The following ABCA12 variants were observed in gnomAD, a reference collection of about 807,000 sequenced individuals.
The protein encoded by ABCA12 is ATP binding cassette subfamily A member 12.
A neutral mutation model predicts 293.5 loss-of-function variants in ABCA12; 156 were observed. The observed-to-expected ratio is 0.53, with a 90% confidence interval of 0.47 to 0.61. The LOEUF is 0.61. Among genes scored for constraint, ABCA12 ranks in the 20% least tolerant of loss-of-function variants. The pLI is 0.00. For synonymous variants in ABCA12, 1,063 were observed against 1,108.0 expected (o/e 0.96, Z 0.81); for missense variants, 2,797 against 3,090.2 (o/e 0.91, Z 2.25).
chr2:214,997,858 A>G (rs867663391), intron 22 of ABCA12, 49 bp from the exon 23 acceptor site: 1 of 1,054,428 alleles, frequency 9.5e-7, no homozygotes, highest in Middle Eastern at 2.0e-4. Flanking sequence ...AATGAACACC[A>G]TACTTGCAGA....
chr2:215,044,035 T>A (rs1701154765), intron 7 of ABCA12, among the ~76,000 whole-genome samples: 1 of 150,778 alleles, frequency 6.6e-6, no homozygotes, highest in African/African-American at 2.5e-5. Flanking sequence ...TATTTTAATA[T>A]ATGAATAAAC....
chr2:215,055,413 A>G (rs1299502766), intron 3 of ABCA12, among the ~76,000 whole-genome samples: 1 of 152,000 alleles, frequency 6.6e-6, no homozygotes, highest in Non-Finnish European at 1.5e-5. Flanking sequence ...TAAAATGGAG[A>G]TGATCACATT....
At position 215,049,831 on chromosome 2, in the gene ABCA12, GA is replaced by G. The variant is rs1311560000; in HGVS notation, c.508-21del. 11 of 1,595,854 alleles carry G rather than the reference GA, an allele frequency of 6.9e-6. No individual in the cohort carries two copies. Among genetic ancestry groups the G allele is most frequent in the Non-Finnish European group, 9.4e-6 (11 of 1,166,252 alleles). On this transcript the variant is annotated intron_variant, in intron 5 of 52. Transcript: ENST00000272895. ...TAACAGCTAAAAGCATGTGTGAAAA[GA>G]GTAAAATAAGAGTGTTAATAAATGT...
In ABCA12 at chr2:215,019,792, G is replaced by C. The variant is rs769092601; in HGVS notation, c.1292C>G (p.Ser431Cys). The stretch of plus-strand genomic sequence containing the variant: ...AAGTTCGGTCAAGTTTCGAAGTTGA[G>C]ACAGCTTTCCAAAAAGGGAAAAGAG... The part of the protein sequence containing the change: ...PVPEVLKSKL[S>C]QLRNLTELLC... Residue 431 changes from serine to cysteine, a missense_variant, in exon 12 of 53, where the codon TCT (serine) becomes TGT (cysteine). By Grantham distance (112) the Ser-to-Cys change is moderately radical (BLOSUM62 -1). Around this residue, in one of 3 missense-constraint regions of ABCA12, gnomAD observed 656 missense variants for 638.2 expected, o/e 1.03. Transcript: ENST00000272895. 8 of 1,611,138 alleles carry C rather than the reference G, an allele frequency of 5.0e-6. No homozygotes were observed. In the South Asian group the frequency reaches 7.7e-5, roughly 15 times the overall value.
chr2:215,010,412 A>T lies in ABCA12; in HGVS notation c.2391T>A (p.Ile797=), dbSNP rs771232162. Residue 797 remains isoleucine (I), a synonymous_variant, in exon 18 of 53, where the codon ATT becomes ATA. Coordinates refer to ENST00000272895, the MANE Select transcript of ABCA12 (RefSeq NM_173076.3). ...ACAACATAGGTTTCAAGAAAGCCCA[A>T]ATCACAGGTCCAGCGGGCATGTTAA... The part of the protein sequence containing the change: ...DIINMPAGPV[I]WAFLKPMLLG... 1 of 1,613,924 alleles carries T rather than the reference A, an allele frequency of 6.2e-7. No individual in the cohort carries two copies.
At chr2:215,121,026 T>C (rs973903465) in intron 1 of ABCA12, among the ~76,000 whole-genome samples, 14 of 152,210 alleles carry the variant, frequency 9.2e-5, no homozygotes, top group African/African-American at 2.9e-4. Context: ...TAATAGCTAA[T>C]ATATATTGAC....
At chr2:215,010,247 A>G in intron 18 of ABCA12, 84 bp downstream of exon 18, 1 of 1,489,354 alleles carries the variant, frequency 6.7e-7, no homozygotes, top group Non-Finnish European at 9.3e-7. Context: ...GAAAGAAATC[A>G]GTCAGCTAAA....
chr2:215,085,868 CAAAT>C (rs1702028711), intron 2 of ABCA12, among the ~76,000 whole-genome samples: 2 of 151,996 alleles, frequency 1.3e-5, no homozygotes, highest in Non-Finnish European at 2.9e-5. Context: ...CTTGAAGAGT[CAAAT>C]AATGTTATGT....
chr2:214,978,172 A>G (rs1443847140), intron 33 of ABCA12, 144 bp downstream of exon 33: 1 of 939,404 alleles, frequency 1.1e-6, no homozygotes, highest in African/African-American at 1.7e-5. Flanking sequence ...ATATCTTAAA[A>G]AAGGAGGCTT....
chr2:215,135,140 T>G (rs1703196731), intron 1 of ABCA12, among the ~76,000 whole-genome samples: 1 of 152,036 alleles, frequency 6.6e-6, no homozygotes, highest in Non-Finnish European at 1.5e-5. Flanking sequence ...TTTTTGTATA[T>G]TTTTAGTAGA....
intron 8 of ABCA12, among the ~76,000 whole-genome samples, chr2:215,033,420 T>C (rs1700921345): frequency 6.6e-6 from 1 of 152,170 alleles, no homozygotes; most frequent in Non-Finnish European, 1.5e-5. Flanking sequence ...TTTCTCTTTT[T>C]CGTCAAGCCA....
At chr2:215,115,792 G>A (rs985238772) in intron 1 of ABCA12, among the ~76,000 whole-genome samples, 7 of 152,176 alleles carry the variant, frequency 4.6e-5, no homozygotes, top group Non-Finnish European at 1.0e-4. Flanking sequence ...CAAGGTAAGT[G>A]TACGTGCTAG....
chr2:215,101,540 A>C (rs1043901456), intron 2 of ABCA12, among the ~76,000 whole-genome samples: 2 of 152,332 alleles, frequency 1.3e-5, no homozygotes, highest in African/African-American at 2.4e-5. Context: ...GAGAAAAGAC[A>C]AAGAAGAAAA....
rs769483507 is a variant in ABCA12, at chr2:215,018,132, C to T, written c.1658G>A (p.Gly553Asp). Residue 553 changes from glycine to aspartate, a missense_variant and splice_region_variant, in exon 14 of 53, where the codon GGT becomes GAT. Gly to Asp is a moderately conservative substitution (Grantham distance 94). This residue lies in a region of ABCA12 where 656 missense variants were observed against 638.2 expected (regional missense o/e 1.03). Transcript: ENST00000272895. ...ATTTTTAAACATTTCTAGTAACTGA[C>T]CTGCAAGAAGAAAAATGTAAAAAGA... ...NNSADASEKP[G>D]QLLEMFKNVE... 5.0e-6 allele frequency: 8 copies of T among 1,611,960 alleles called. No individual in the cohort carries two copies. Among genetic ancestry groups the T allele is most frequent in the Non-Finnish European group, 5.9e-6 (7 of 1,179,240 alleles).
chr2:215,100,992 C>A (rs1387133129), intron 2 of ABCA12, among the ~76,000 whole-genome samples: 1 of 152,178 alleles, frequency 6.6e-6, no homozygotes, highest in Non-Finnish European at 1.5e-5. Flanking sequence ...TCTTTAGACA[C>A]TGCTCCAACA....
intron 37 of ABCA12, 142 bp downstream of exon 37, chr2:214,970,131 A>G (rs1372515471): frequency 7.7e-6 from 6 of 779,518 alleles, no homozygotes; most frequent in Admixed American, 3.5e-5. Flanking sequence ...TTACATTTCA[A>G]TATATAAGGC....
chr2:215,023,974 C>G (rs549871735), intron 11 of ABCA12, among the ~76,000 whole-genome samples: 1 of 152,320 alleles, frequency 6.6e-6, no homozygotes, highest in African/African-American at 2.4e-5. Context: ...CCCTGCAGCC[C>G]TGTTTTCTGC....
In ABCA12 at chr2:215,065,374, TA is replaced by T. The variant is rs571918919; in HGVS notation, c.164-1156del. On this transcript the variant is annotated intron_variant, in intron 2 of 52. Transcript: ENST00000272895. Reference sequence around the variant, plus strand: ...TCATTTTAAAGAGAAAGGAGAAAAGTAAAAAAAGAGAGAGAGAGAAAGAGAG... The same window carrying T: ...TCATTTTAAAGAGAAAGGAGAAAAGTAAAAAAGAGAGAGAGAGAAAGAGAG... 2.9e-3 allele frequency among the ~76,000 whole-genome samples: 259 copies of T among 90,648 alleles called. 2 individuals are homozygous for T. The Middle Eastern group carries it at 0.03, about 11-fold the overall frequency. The allele number at this position is 90,648 out of a possible 152,430, so 59.5% of individuals were successfully genotyped here.
At chr2:214,942,197 G>T (rs1028432614) in intron 50 of ABCA12, among the ~76,000 whole-genome samples, 10 of 152,118 alleles carry the variant, frequency 6.6e-5, no homozygotes, top group African/African-American at 2.4e-4. Flanking sequence ...TTAAATCAAT[G>T]TGCCAGCTAA....
Sources: allele counts gnomAD v4.1 joint callset (sites outside exome capture counted in the v4.1 genomes callset), GRCh38; gene constraint gnomAD v4.1.1; regional missense constraint gnomAD v4.1.1; transcripts MANE v1.5; gene names NCBI Gene and HGNC (gene_info 2026-07-23, HGNC 2026-07-21).